The following PARD3 variants were observed in gnomAD, a reference collection of about 807,000 sequenced individuals.
PARD3 encodes par-3 family cell polarity regulator.
PARD3 carries 75 observed loss-of-function variants against 155.4 expected under a neutral mutation model. The ratio of observed to expected loss-of-function variants is 0.48; its 90% CI spans 0.40 to 0.58. The LOEUF (loss-of-function observed/expected upper bound fraction) is 0.58, where lower values mean the gene tolerates loss of function less well. Among genes scored for constraint, PARD3 ranks in the 20% least tolerant of loss-of-function variants. The probability of loss-of-function intolerance (pLI) is 0.00; values close to 1 mark genes in which losing one functional copy is unlikely to be tolerated. For missense variants in PARD3, 1,642 were observed against 1,721.7 expected (o/e 0.95, Z 0.82); for synonymous variants, 576 against 610.5 (o/e 0.94, Z 0.83).
intron 22 of PARD3, among the ~76,000 whole-genome samples, chr10:34,230,277 C>T (rs972361037): frequency 1.3e-5 from 2 of 152,082 alleles, no homozygotes. Flanking sequence ...AGAAACACAC[C>T]AGGGCCTGGT....
chr10:34,625,037 A>G (rs758015167), intron 2 of PARD3, among the ~76,000 whole-genome samples: 2 of 152,200 alleles, frequency 1.3e-5, no homozygotes, highest in Non-Finnish European at 2.9e-5. Flanking sequence ...GACAAGCTCA[A>G]CTGCTCAGCT....
rs1243146344 is a variant in PARD3 at position 34,187,063 on chromosome 10, C to T, written c.3420-55480G>A. 2.0e-5 allele frequency among the ~76,000 whole-genome samples: 3 copies of T among 152,220 alleles called. No homozygotes were observed. In the East Asian group the frequency reaches 5.8e-4, roughly 29 times the overall value. On this transcript the variant is annotated intron_variant, in intron 22 of 24. Transcript: ENST00000374788. The stretch of plus-strand genomic sequence containing the variant: ...TACCTTCTGGAGCCCCAGCACTGGC[C>T]CAGCTGTGAACAATGAGTGGTGTTT...
At chr10:34,245,075 C>T (rs554968368) in intron 22 of PARD3, among the ~76,000 whole-genome samples, 2 of 148,992 alleles carry the variant, frequency 1.3e-5, no homozygotes, top group East Asian at 3.9e-4. Flanking sequence ...GTACAAACTG[C>T]AAAAAGTGGA....
intron 5 of PARD3, among the ~76,000 whole-genome samples, chr10:34,436,070 G>T (rs564267369): frequency 1.3e-5 from 2 of 152,238 alleles, no homozygotes; most frequent in Middle Eastern, 3.4e-3. Flanking sequence ...AATCAAATAC[G>T]AAATTTAGAA....
intron 21 of PARD3, 150 bp from the exon 22 acceptor site, chr10:34,270,049 C>T: frequency 1.3e-6 from 1 of 745,462 alleles, no homozygotes; most frequent in East Asian, 2.7e-5. Context: ...CATACACATT[C>T]TAGATTGTTA....
intron 2 of PARD3, among the ~76,000 whole-genome samples, chr10:34,664,384 G>C (rs1030381419): frequency 3.3e-5 from 5 of 152,152 alleles, no homozygotes; most frequent in Admixed American, 6.5e-5. Context: ...TGTATTTTTA[G>C]TAGAGGTGGG....
intron 19 of PARD3, among the ~76,000 whole-genome samples, chr10:34,327,134 GGGA>G (rs1369515629): frequency 6.6e-6 from 1 of 152,160 alleles, no homozygotes; most frequent in Non-Finnish European, 1.5e-5. Context: ...ATTTATCATG[GGGA>G]GGAGAAGTCG....
intron 1 of PARD3, among the ~76,000 whole-genome samples, chr10:34,716,581 TTTTC>T (rs1466886574): frequency 2.4e-5 from 1 of 41,306 alleles, no homozygotes; most frequent in East Asian, 1.2e-3. Flanking sequence ...CCAGGATGGC[TTTTC>T]TTTTTTTTTT....
intron 3 of PARD3, among the ~76,000 whole-genome samples, chr10:34,487,340 C>T (rs1175019235): frequency 6.6e-6 from 1 of 150,930 alleles, no homozygotes; most frequent in East Asian, 2.0e-4. Context: ...GTGATTCTAC[C>T]CCCAGTTTTT....
At chr10:34,556,140 A>G (rs149143910) in intron 2 of PARD3, among the ~76,000 whole-genome samples, 1 of 152,352 alleles carries the variant, frequency 6.6e-6, no homozygotes, top group East Asian at 1.9e-4. Flanking sequence ...GAATGGAGGT[A>G]CTGCTGGAGT....
chr10:34,375,056 AC>A, intron 10 of PARD3, 54 bp from the exon 11 acceptor site: 2 of 367,308 alleles, frequency 5.4e-6, no homozygotes, highest in Non-Finnish European at 4.3e-6. Flanking sequence ...ACAGGAAAAC[AC>A]ACACACACAC....
chr10:34,131,786 G>C (rs557544150), intron 22 of PARD3, among the ~76,000 whole-genome samples: 1 of 151,970 alleles, frequency 6.6e-6, no homozygotes, highest in South Asian at 2.1e-4. Flanking sequence ...ACAGATATTT[G>C]AGAGGGTAAA....
At chr10:34,631,177 G>A (rs1189630053) in intron 2 of PARD3, among the ~76,000 whole-genome samples, 1 of 152,080 alleles carries the variant, frequency 6.6e-6, no homozygotes, top group Non-Finnish European at 1.5e-5. Flanking sequence ...AGTGATCACT[G>A]AGGCAAAATG....
chr10:34,585,898 G>T (rs2087987442), intron 2 of PARD3, among the ~76,000 whole-genome samples: 1 of 152,024 alleles, frequency 6.6e-6, no homozygotes, highest in African/African-American at 2.4e-5. Flanking sequence ...AAACTGAATG[G>T]CTCGGATATG....
intron 20 of PARD3, among the ~76,000 whole-genome samples, chr10:34,314,233 G>A (rs1261821604): frequency 1.3e-5 from 2 of 151,944 alleles, no homozygotes; most frequent in Non-Finnish European, 2.9e-5. Flanking sequence ...ATCAACCTGA[G>A]GGTATATTCA....
chr10:34,133,903 A>G (rs1234711124), intron 22 of PARD3, among the ~76,000 whole-genome samples: 1 of 152,196 alleles, frequency 6.6e-6, no homozygotes, highest in African/African-American at 2.4e-5. Flanking sequence ...TCTAGAATAT[A>G]CTGTCAATAC....
intron 2 of PARD3, among the ~76,000 whole-genome samples, chr10:34,668,745 G>A (rs2093551115): frequency 6.6e-6 from 1 of 152,100 alleles, no homozygotes; most frequent in Non-Finnish European, 1.5e-5. Context: ...TGCTGCAGTG[G>A]GAAGATCGCT....
At chr10:34,301,229 G>A (rs1277563653) in intron 20 of PARD3, among the ~76,000 whole-genome samples, 1 of 152,146 alleles carries the variant, frequency 6.6e-6, no homozygotes, top group Non-Finnish European at 1.5e-5. Context: ...ATATCACAGA[G>A]TGCTGGGTAA....
At chr10:34,620,658 C>G (rs1051503136) in intron 2 of PARD3, among the ~76,000 whole-genome samples, 10 of 152,288 alleles carry the variant, frequency 6.6e-5, no homozygotes, top group African/African-American at 2.4e-4. Flanking sequence ...GCTTAAACCT[C>G]TCACAGATAA....
Sources: allele counts gnomAD v4.1 joint callset (sites outside exome capture counted in the v4.1 genomes callset), GRCh38; gene constraint gnomAD v4.1.1; transcripts MANE v1.5; gene names NCBI Gene and HGNC (gene_info 2026-07-23, HGNC 2026-07-21).